Variants in IQCM observed in about 807,000 individuals in gnomAD.
IQCM encodes the protein IQ motif containing M.
In IQCM, 45 loss-of-function variants were observed where a neutral mutation model predicts 57.6. The observed-to-expected ratio is 0.78, with a 90% CI of 0.62 to 1.00. The LOEUF is 1.00. Among genes scored for constraint, IQCM ranks in the 50% least tolerant of loss-of-function variants. The pLI is 0.00. For missense variants in IQCM, 468 were observed against 511.6 expected, an observed-to-expected ratio of 0.91 and a Z score of 0.82; for synonymous variants, 148 against 158.9, an observed-to-expected ratio of 0.93 and a Z score of 0.51.
At chr4:149,789,413 A>G (rs546838978) in intron 2 of IQCM, among the ~76,000 whole-genome samples, 63 of 152,350 alleles carry the variant, frequency 4.1e-4, no homozygotes, top group Non-Finnish European at 8.1e-4. Flanking sequence ...TCCAGTATCA[A>G]TTTAATAAAG....
At chr4:149,603,462 T>C (rs1754495124) in intron 8 of IQCM, among the ~76,000 whole-genome samples, 1 of 152,152 alleles carries the variant, frequency 6.6e-6, no homozygotes, top group African/African-American at 2.4e-5. Context: ...TGTAGCCTCT[T>C]AATTACTACC....
intron 3 of IQCM, among the ~76,000 whole-genome samples, chr4:149,740,189 T>G (rs1767326170): frequency 6.6e-6 from 1 of 152,198 alleles, no homozygotes; most frequent in African/African-American, 2.4e-5. Flanking sequence ...AAGATAATCT[T>G]AAGCAAAGAT....
rs192032796 is a variant in IQCM, at chr4:149,548,766, G to A, written c.1094-177C>T. Among the ~76,000 whole-genome samples, 389 of 152,162 alleles carry A rather than the reference G, an allele frequency of 2.6e-3. 3 individuals carry two copies. Among genetic ancestry groups the A allele is most frequent in the Non-Finnish European group, 4.1e-3 (276 of 68,006 alleles). On this transcript the variant is annotated intron_variant, in intron 11 of 13. Transcript: ENST00000636793. ...GCATGTTTCTCTCTCCTCACATTCC[G>A]CAGTAGTGAAATTTTTACTTGATTC...
At chr4:149,628,144 A>G (rs1173818458) in intron 7 of IQCM, among the ~76,000 whole-genome samples, 1 of 152,236 alleles carries the variant, frequency 6.6e-6, no homozygotes, top group Non-Finnish European at 1.5e-5. Flanking sequence ...TACAGCAGCC[A>G]TAGGGAAACT....
chr4:149,503,938 A>T (rs922005929), intron 12 of IQCM, among the ~76,000 whole-genome samples: 8 of 152,168 alleles, frequency 5.3e-5, no homozygotes, highest in Non-Finnish European at 8.8e-5. Flanking sequence ...TTTCCAAATT[A>T]TTAAGAAAAA....
At chr4:149,472,200 A>G (rs2149731499) in intron 12 of IQCM, among the ~76,000 whole-genome samples, 1 of 152,334 alleles carries the variant, frequency 6.6e-6, no homozygotes, top group Non-Finnish European at 1.5e-5. Flanking sequence ...TGCAGCTGAC[A>G]TGGTTGTATA....
intron 7 of IQCM, among the ~76,000 whole-genome samples, chr4:149,652,855 A>G (rs1759314627): frequency 6.6e-6 from 1 of 152,190 alleles, no homozygotes. Context: ...TGAGATTAAA[A>G]TCTTGAAACT....
chr4:149,787,649 A>G (rs77847939), intron 2 of IQCM, among the ~76,000 whole-genome samples: 3,402 of 152,310 alleles, frequency 0.022, 63 homozygotes, highest in South Asian at 0.036. Context: ...CAGAAGAATG[A>G]ATCTGGACTC....
chr4:149,574,126 TAGATG>T (rs1204794677), intron 9 of IQCM, among the ~76,000 whole-genome samples: 3 of 151,936 alleles, frequency 2.0e-5, no homozygotes, highest in Non-Finnish European at 4.4e-5. Flanking sequence ...GAATGAGTTG[TAGATG>T]AGATATGAGA....
intron 12 of IQCM, among the ~76,000 whole-genome samples, chr4:149,514,164 A>T (rs1221811261): frequency 6.6e-6 from 1 of 152,186 alleles, no homozygotes; most frequent in Admixed American, 6.5e-5. Context: ...AAAAATACAG[A>T]TTCCTAGTAC....
At chr4:149,368,892 A>G (rs1331645611) in intron 13 of IQCM, among the ~76,000 whole-genome samples, 7 of 96,784 alleles carry the variant, frequency 7.2e-5, no homozygotes, top group East Asian at 5.6e-4. Context: ...ATATATATGT[A>G]TATATATACA....
intron 12 of IQCM, among the ~76,000 whole-genome samples, chr4:149,516,751 G>A (rs903621596): frequency 9.9e-5 from 15 of 151,966 alleles, no homozygotes; most frequent in Admixed American, 2.0e-4. Context: ...GTTACATTAC[G>A]TTCTGCTTGC....
chr4:149,811,203 C>A (rs1390049744), intron 2 of IQCM, among the ~76,000 whole-genome samples: 2 of 152,140 alleles, frequency 1.3e-5, no homozygotes, highest in African/African-American at 4.8e-5. Flanking sequence ...ATTATCCCTG[C>A]CATGTACCAA....
At chr4:149,482,840 T>A (rs1048764785) in intron 12 of IQCM, among the ~76,000 whole-genome samples, 1 of 151,606 alleles carries the variant, frequency 6.6e-6, no homozygotes, top group Non-Finnish European at 1.5e-5. Context: ...ACAGTTTGAG[T>A]AGAATTGGTA....
At chr4:149,522,451 G>A (rs1475219508) in intron 12 of IQCM, among the ~76,000 whole-genome samples, 1 of 152,130 alleles carries the variant, frequency 6.6e-6, no homozygotes, top group Admixed American at 6.6e-5. Context: ...ACAAAATAAC[G>A]TAAGAAAACA....
chr4:149,584,076 A>G (rs1374071582), intron 9 of IQCM, among the ~76,000 whole-genome samples: 1 of 151,608 alleles, frequency 6.6e-6, no homozygotes, highest in African/African-American at 2.4e-5. Context: ...ATTTGAATCA[A>G]TTCTATCTGG....
At position 149,535,238 on chromosome 4, in the gene IQCM, C is replaced by A. The variant is rs370236558; in HGVS notation, c.1228+13217G>T. Among the ~76,000 whole-genome samples, 48 of 151,986 alleles carry A rather than the reference C, an allele frequency of 3.2e-4. No homozygotes were observed. In the Middle Eastern group the frequency reaches 0.014, roughly 43 times the overall value. On this transcript the variant is annotated intron_variant, in intron 12 of 13. Transcript: ENST00000636793. Reference sequence around the variant, plus strand: ...TAAATGCCAGAAAAAATAAAAATATCCTTAATACTATGTTTACGATGTTGG... The same window carrying A: ...TAAATGCCAGAAAAAATAAAAATATACTTAATACTATGTTTACGATGTTGG...
At chr4:149,496,513 CAG>C (rs1579263399) in intron 12 of IQCM, among the ~76,000 whole-genome samples, 1 of 152,002 alleles carries the variant, frequency 6.6e-6, no homozygotes, top group East Asian at 1.9e-4. Flanking sequence ...AAGATGAAAG[CAG>C]AAATCAGAGA....
intron 8 of IQCM, among the ~76,000 whole-genome samples, chr4:149,594,293 C>T (rs1045116174): frequency 6.6e-6 from 1 of 152,122 alleles, no homozygotes; most frequent in African/African-American, 2.4e-5. Context: ...TCTATGGGAT[C>T]AGTGGTGATA....
Sources: allele counts gnomAD v4.1 joint callset (sites outside exome capture counted in the v4.1 genomes callset), GRCh38; gene constraint gnomAD v4.1.1; transcripts MANE v1.5; gene names NCBI Gene and HGNC (gene_info 2026-07-23, HGNC 2026-07-21).